Variants in DNAH7 observed in about 807,000 individuals in gnomAD.
DNAH7 encodes the protein axonemal beta dynein heavy chain 7.
Under a neutral mutation model 444.6 loss-of-function variants are expected in DNAH7, and 397 were observed. The observed-to-expected ratio is 0.89, with a 90% CI of 0.82 to 0.97. The LOEUF (loss-of-function observed/expected upper bound fraction) is 0.97, where lower values mean the gene tolerates loss of function less well. Among genes scored for constraint, DNAH7 ranks in the 50% least tolerant of loss-of-function variants. DNAH7 has a pLI of 0.00. For synonymous variants in DNAH7, 1,636 were observed against 1,624.4 expected, an observed-to-expected ratio of 1.01 and a Z score of -0.17; for missense variants, 4,902 against 4,800.8, an observed-to-expected ratio of 1.02 and a Z score of -0.62.
chr2:195,756,691 T>C lies in DNAH7; in HGVS notation c.11434-406A>G, dbSNP rs746975991. Reference sequence around the variant, plus strand: ...ACCACACCCAACTGATTTTTTACTTTAAAAATTTTTTTGTATAGGAAGCCA... The same window carrying C: ...ACCACACCCAACTGATTTTTTACTTCAAAAATTTTTTTGTATAGGAAGCCA... On this transcript the variant is annotated intron_variant, in intron 61 of 64. Transcript: ENST00000312428. 2.6e-5 allele frequency among the ~76,000 whole-genome samples: 4 copies of C among 152,156 alleles called. No individual in the cohort carries two copies. In the East Asian group the frequency reaches 7.8e-4, roughly 30 times the overall value.
chr2:195,873,719 T>C, intron 38 of DNAH7, 25 bp from the exon 39 acceptor site: 3 of 1,494,098 alleles, frequency 2.0e-6, no homozygotes, highest in Non-Finnish European at 2.7e-6. Context: ...GTATAACTCT[T>C]AATAATGTTA....
At chr2:195,985,006 T>C (rs1226021578) in intron 14 of DNAH7, among the ~76,000 whole-genome samples, 2 of 152,146 alleles carry the variant, frequency 1.3e-5, no homozygotes, top group East Asian at 3.8e-4. Flanking sequence ...TGAACAATCA[T>C]TTCCAACCTG....
At chr2:195,828,004 C>T (rs1051898360) in intron 48 of DNAH7, among the ~76,000 whole-genome samples, 11 of 152,162 alleles carry the variant, frequency 7.2e-5, no homozygotes, top group Non-Finnish European at 1.5e-4. Flanking sequence ...TACCAATCAT[C>T]CTGCTTTAGG....
chr2:195,873,982 C>A (rs1009328833), intron 38 of DNAH7, among the ~76,000 whole-genome samples: 1 of 152,124 alleles, frequency 6.6e-6, no homozygotes, highest in Non-Finnish European at 1.5e-5. Context: ...AAGCCACAGG[C>A]CATGTTCTCC....
At chr2:195,755,756 A>T (rs1221500890) in intron 62 of DNAH7, among the ~76,000 whole-genome samples, 1 of 152,226 alleles carries the variant, frequency 6.6e-6, no homozygotes, top group Non-Finnish European at 1.5e-5. Context: ...TTAGCCATTG[A>T]GGTCATTACT....
chr2:196,055,782 C>T (rs896519674), intron 2 of DNAH7, among the ~76,000 whole-genome samples: 1 of 152,142 alleles, frequency 6.6e-6, no homozygotes, highest in Non-Finnish European at 1.5e-5. Flanking sequence ...CCTGGAGTCA[C>T]TACAAATATC....
At chr2:195,828,877 G>A (rs1240308571) in intron 48 of DNAH7, among the ~76,000 whole-genome samples, 3 of 151,918 alleles carry the variant, frequency 2.0e-5, no homozygotes, top group African/African-American at 4.8e-5. Flanking sequence ...ATATATTAGG[G>A]TTCATTCCAG....
intron 7 of DNAH7, among the ~76,000 whole-genome samples, chr2:196,025,826 C>T (rs1695650759): frequency 6.6e-6 from 1 of 152,064 alleles, no homozygotes; most frequent in Non-Finnish European, 1.5e-5. Context: ...GAATGTCCTC[C>T]ACCAATAAGG....
intron 10 of DNAH7, among the ~76,000 whole-genome samples, chr2:196,012,249 A>T (rs1694765733): frequency 1.3e-5 from 2 of 152,170 alleles, no homozygotes; most frequent in South Asian, 4.1e-4. Context: ...ATACTGTCTG[A>T]TTCCCAGATT....
intron 56 of DNAH7, 130 bp downstream of exon 56, chr2:195,796,446 C>G (rs1696144558): frequency 3.6e-6 from 4 of 1,096,502 alleles, no homozygotes; most frequent in Non-Finnish European, 5.1e-6. Flanking sequence ...GCCTCTCTCT[C>G]CTGCAATCCA....
At chr2:196,022,561 C>G (rs184655740) in intron 8 of DNAH7, among the ~76,000 whole-genome samples, 4 of 152,316 alleles carry the variant, frequency 2.6e-5, no homozygotes, top group Admixed American at 2.6e-4. Flanking sequence ...CTCATCTGTT[C>G]AAGTTTTATC....
intron 45 of DNAH7, 47 bp downstream of exon 45, chr2:195,855,745 GTACGAACATCATTCTTAGT>G: frequency 6.4e-7 from 1 of 1,561,144 alleles, no homozygotes; most frequent in Non-Finnish European, 8.7e-7. Context: ...TTATGTGCTA[GTACGAACATCATTCTTAGT>G]TACGATAACT....
intron 21 of DNAH7, among the ~76,000 whole-genome samples, chr2:195,933,171 C>T (rs1346084596): frequency 6.6e-6 from 1 of 152,146 alleles, no homozygotes; most frequent in Non-Finnish European, 1.5e-5. Context: ...CACTGGCCAT[C>T]AGAGAAATGC....
At chr2:195,950,165 T>A (rs770319790) in intron 19 of DNAH7, among the ~76,000 whole-genome samples, 1 of 152,182 alleles carries the variant, frequency 6.6e-6, no homozygotes, top group Non-Finnish European at 1.5e-5. Context: ...TTGGAACAGT[T>A]TCAAAAGGAA....
At chr2:195,776,015 T>C (rs1264497053) in intron 59 of DNAH7, 32 bp from the exon 60 acceptor site, 1 of 1,605,354 alleles carries the variant, frequency 6.2e-7, no homozygotes, top group East Asian at 2.2e-5. Flanking sequence ...AGTCAGGAGG[T>C]TAGAAATCAA....
Position 195,864,417 on chromosome 2 carries a change from C to T in DNAH7, c.7238G>A (p.Ser2413Asn), listed in dbSNP as rs1272800061. Reference protein sequence around the residue: ...IKEESFLEDVSNLLNAGEIPN... With the variant: ...IKEESFLEDVNNLLNAGEIPN... The stretch of plus-strand genomic sequence containing the variant: ...AATCTCCCCAGCATTTAGCAGATTA[C>T]TGACATCTTCCAGAAAAGACTCTTC... The change falls in exon 41 of 65, where the codon AGT (serine) becomes AAT (asparagine). Residue 2413 changes from serine (S) to asparagine (N), a missense_variant. Coordinates refer to ENST00000312428, the MANE Select transcript of DNAH7 (RefSeq NM_018897.3). 4.6e-5 allele frequency: 75 copies of T among 1,614,078 alleles called. No homozygotes were observed. Among genetic ancestry groups the T allele is most frequent in the Non-Finnish European group, 6.0e-5 (71 of 1,180,030 alleles).
rs1386366846 is a variant in DNAH7 at position 195,744,749 on chromosome 2, C to T, written c.11765-3880G>A. Among the ~76,000 whole-genome samples, 15 of 152,280 alleles carry T rather than the reference C, an allele frequency of 9.9e-5. 1 individual carries two copies. The highest frequency in any genetic ancestry group is 3.4e-3 in the Middle Eastern group (1 of 294). ...TGCTGTTACCCAGGCAAACAGGGTCCGGAGTGGACCTCTAGCAAACTCCAA... is the reference window on the plus strand; with the variant it reads ...TGCTGTTACCCAGGCAAACAGGGTCTGGAGTGGACCTCTAGCAAACTCCAA... On this transcript the variant is annotated intron_variant, in intron 63 of 64. Transcript: ENST00000312428.
intron 42 of DNAH7, among the ~76,000 whole-genome samples, chr2:195,859,237 C>A (rs1699888136): frequency 6.6e-6 from 1 of 151,946 alleles, no homozygotes; most frequent in Admixed American, 6.6e-5. Flanking sequence ...TGAATGTTTC[C>A]AAATGTGAAA....
Position 195,777,731 on chromosome 2 carries a change from A to C in DNAH7, c.11064+69T>G. On this transcript the variant is annotated intron_variant, in intron 59 of 64. Transcript: ENST00000312428. ...AGGCCTGCAGCAAAATCACCATTTA[A>C]AAAATATCATCACTACCAAAATAAT... 6.0e-6 allele frequency: 9 copies of C among 1,488,640 alleles called. No individual in the cohort carries two copies. In the East Asian group the frequency reaches 1.8e-4, roughly 30 times the overall value. 92.2% of individuals were successfully genotyped at this position (1,488,640 alleles called of 1,614,324 possible).
Sources: allele counts gnomAD v4.1 joint callset (sites outside exome capture counted in the v4.1 genomes callset), GRCh38; gene constraint gnomAD v4.1.1; transcripts MANE v1.5; gene names NCBI Gene and HGNC (gene_info 2026-07-23, HGNC 2026-07-21).